The following MARCHF11 variants were observed in gnomAD, a reference collection of about 807,000 sequenced individuals.
MARCHF11 encodes the protein membrane associated ring-CH-type finger 11.
Under a neutral mutation model 37.3 loss-of-function variants are expected in MARCHF11, and 29 were observed. The observed-to-expected ratio is 0.78, with a 90% confidence interval of 0.58 to 1.06. The LOEUF (loss-of-function observed/expected upper bound fraction) is 1.06, where lower values mean the gene tolerates loss of function less well. Among genes scored for constraint, MARCHF11 ranks in the 50% least tolerant of loss-of-function variants. The pLI is 0.00. For missense variants in MARCHF11, 482 were observed against 533.4 expected, an observed-to-expected ratio of 0.90 and a Z score of 0.95; for synonymous variants, 233 against 228.0, an observed-to-expected ratio of 1.02 and a Z score of -0.20.
At chr5:16,178,811 G>A (rs342549) in intron 1 of MARCHF11, among the ~76,000 whole-genome samples, 133,487 of 152,288 alleles carry the variant, frequency 0.88, 58,613 homozygotes, top group East Asian at 0.96. Context: ...AAGGAAAAAG[G>A]AAGTGTAGAT....
intron 2 of MARCHF11, among the ~76,000 whole-genome samples, chr5:16,119,803 CTG>C (rs1326539743): frequency 6.6e-6 from 1 of 152,180 alleles, no homozygotes; most frequent in African/African-American, 2.4e-5. Context: ...CCCCAAGGCT[CTG>C]TGTTTTATTA....
intron 2 of MARCHF11, among the ~76,000 whole-genome samples, chr5:16,132,993 A>T: frequency 6.6e-6 from 1 of 152,220 alleles, no homozygotes; most frequent in Non-Finnish European, 1.5e-5. Flanking sequence ...GTACTTAATC[A>T]GAGTAAAATT....
intron 3 of MARCHF11, among the ~76,000 whole-genome samples, chr5:16,085,165 C>T (rs1271063991): frequency 2.6e-5 from 4 of 151,938 alleles, no homozygotes; most frequent in Non-Finnish European, 5.9e-5. Context: ...AAGAGACAAA[C>T]TAAGAAATAA....
At chr5:16,173,277 T>C (rs1490914163) in intron 2 of MARCHF11, among the ~76,000 whole-genome samples, 1 of 152,180 alleles carries the variant, frequency 6.6e-6, no homozygotes, top group Non-Finnish European at 1.5e-5. Flanking sequence ...ACCCCTTCTG[T>C]GACTGTCCCC....
At chr5:16,107,697 C>G (rs184144458) in intron 2 of MARCHF11, among the ~76,000 whole-genome samples, 29 of 151,970 alleles carry the variant, frequency 1.9e-4, no homozygotes, top group Non-Finnish European at 3.1e-4. Flanking sequence ...ATCACGCCCC[C>G]CTATCCTGTA....
intron 2 of MARCHF11, among the ~76,000 whole-genome samples, chr5:16,122,920 T>TAAC (rs1372045761): frequency 6.6e-6 from 1 of 152,216 alleles, no homozygotes; most frequent in East Asian, 1.9e-4. Flanking sequence ...AAGGCTGGAT[T>TAAC]ATACTATGTT....
intron 2 of MARCHF11, among the ~76,000 whole-genome samples, chr5:16,127,846 C>T (rs1357642966): frequency 6.6e-6 from 1 of 152,180 alleles, no homozygotes; most frequent in African/African-American, 2.4e-5. Flanking sequence ...CCTCTGGCTT[C>T]TGGTTGAACG....
chr5:16,168,150 A>G (rs926773930), intron 2 of MARCHF11, among the ~76,000 whole-genome samples: 2 of 152,134 alleles, frequency 1.3e-5, no homozygotes, highest in Non-Finnish European at 2.9e-5. Context: ...GTAGAGCTTT[A>G]TCATGTCCAA....
rs776812615 is a variant in MARCHF11, at chr5:16,115,912, C to A, written c.694-24831G>T. Among the ~76,000 whole-genome samples the A allele has an allele frequency of 8.5e-5, 13 of 152,302 alleles. 1 individual carries two copies. The highest frequency in any genetic ancestry group is 3.4e-3 in the Middle Eastern group (1 of 294). On this transcript the variant is annotated intron_variant, in intron 2 of 3. Coordinates refer to ENST00000332432, the MANE Select transcript of MARCHF11 (RefSeq NM_001102562.3). Reference sequence around the variant, plus strand: ...AAAGTGCTAGGATTACAGGAGTAAGCCACCATGCCCGGGTGCTTGTTTACT... The same window carrying A: ...AAAGTGCTAGGATTACAGGAGTAAGACACCATGCCCGGGTGCTTGTTTACT...
intron 3 of MARCHF11, among the ~76,000 whole-genome samples, chr5:16,074,341 A>G (rs9312901): frequency 0.48 from 73,368 of 151,996 alleles, 19,560 homozygotes; most frequent in African/African-American, 0.68. Context: ...ACACCACAAC[A>G]AACTAGAGAA....
chr5:16,090,168 G>A lies in MARCHF11; in HGVS notation c.886+721C>T, dbSNP rs1207968404. Among the ~76,000 whole-genome samples the A allele has an allele frequency of 3.9e-5, 6 of 152,160 alleles. No individual in the cohort carries two copies. In the East Asian group the frequency reaches 5.8e-4, roughly 15 times the overall value. On this transcript the variant is annotated intron_variant, in intron 3 of 3. Coordinates refer to ENST00000332432, the MANE Select transcript of MARCHF11 (RefSeq NM_001102562.3). ...AGCCACCCACACTGCTCTACCCCTC[G>A]CCGACTGGTCACCATCGCGATGCCT... is the stretch of plus-strand genomic sequence containing the variant.
At chr5:16,069,995 A>G (rs1736406332) in intron 3 of MARCHF11, among the ~76,000 whole-genome samples, 1 of 152,240 alleles carries the variant, frequency 6.6e-6, no homozygotes, top group Non-Finnish European at 1.5e-5. Flanking sequence ...CATGTGGTCT[A>G]ACAAGCAAAC....
At chr5:16,133,755 C>G (rs1003883047) in intron 2 of MARCHF11, among the ~76,000 whole-genome samples, 6 of 152,006 alleles carry the variant, frequency 3.9e-5, no homozygotes, top group Non-Finnish European at 8.8e-5. Flanking sequence ...GAAGAATTGT[C>G]TTGGACCACA....
At chr5:16,136,600 T>C (rs1737615101) in intron 2 of MARCHF11, among the ~76,000 whole-genome samples, 1 of 152,208 alleles carries the variant, frequency 6.6e-6, no homozygotes, top group African/African-American at 2.4e-5. Flanking sequence ...AAATGGGCTA[T>C]GCTATGACAA....
chr5:16,075,754 C>T (rs1736506147), intron 3 of MARCHF11, among the ~76,000 whole-genome samples: 1 of 152,082 alleles, frequency 6.6e-6, no homozygotes, highest in African/African-American at 2.4e-5. Flanking sequence ...CTGAGACAGG[C>T]AGTTCAGGAT....
chr5:16,085,550 G>C (rs1410142168), intron 3 of MARCHF11, among the ~76,000 whole-genome samples: 1 of 140,112 alleles, frequency 7.1e-6, no homozygotes, highest in Non-Finnish European at 1.5e-5. Flanking sequence ...AGTTGGCATG[G>C]TATGAGGAAA....
chr5:16,125,191 T>G (rs1737381682), intron 2 of MARCHF11, among the ~76,000 whole-genome samples: 1 of 151,396 alleles, frequency 6.6e-6, no homozygotes, highest in Non-Finnish European at 1.5e-5. Context: ...GATATGTCAC[T>G]CTAGGCTGAA....
At chr5:16,155,016 T>A (rs1737945967) in intron 2 of MARCHF11, among the ~76,000 whole-genome samples, 2 of 151,874 alleles carry the variant, frequency 1.3e-5, no homozygotes, top group Non-Finnish European at 2.9e-5. Flanking sequence ...ACGCCTGATG[T>A]GTCTGTAGGG....
At chr5:16,097,982 A>T (rs1736898941) in intron 2 of MARCHF11, among the ~76,000 whole-genome samples, 1 of 152,222 alleles carries the variant, frequency 6.6e-6, no homozygotes, top group Admixed American at 6.5e-5. Context: ...TATAAAAACA[A>T]CAGTGCAGCA....
Sources: allele counts gnomAD v4.1 joint callset (sites outside exome capture counted in the v4.1 genomes callset), GRCh38; gene constraint gnomAD v4.1.1; transcripts MANE v1.5; gene names NCBI Gene and HGNC (gene_info 2026-07-23, HGNC 2026-07-21).